The following PLXNA4 variants were observed in gnomAD, a reference collection of about 807,000 sequenced individuals.
PLXNA4 encodes plexin A4, also known as plexin-A4.
A neutral mutation model predicts 191.8 loss-of-function variants in PLXNA4; 44 were observed. The observed-to-expected ratio is 0.23, with a 90% confidence interval of 0.18 to 0.29. The LOEUF (loss-of-function observed/expected upper bound fraction) is 0.29. Among genes scored for constraint, PLXNA4 ranks in the 10% least tolerant of loss-of-function variants. The probability of loss-of-function intolerance (pLI) is 1.00; values close to 1 mark genes in which losing one functional copy is unlikely to be tolerated. For synonymous variants in PLXNA4, 1,082 were observed against 1,009.5 expected (o/e 1.07, Z -1.36); for missense variants, 1,800 against 2,488.8 (o/e 0.72, Z 5.89).
intron 2 of PLXNA4, 126 bp downstream of exon 2, chr7:132,507,380 T>C: frequency 2.9e-6 from 3 of 1,046,476 alleles, no homozygotes; most frequent in Non-Finnish European, 4.0e-6. Flanking sequence ...GACTCAGAGA[T>C]GGGATGGGAT....
chr7:132,443,565 G>A (rs775118284), intron 3 of PLXNA4, among the ~76,000 whole-genome samples: 2 of 152,176 alleles, frequency 1.3e-5, no homozygotes, highest in Non-Finnish European at 2.9e-5. Flanking sequence ...CCTGGCACGT[G>A]CTCAGTCAAT....
At chr7:132,524,454 C>A (rs1033465430) in intron 1 of PLXNA4, among the ~76,000 whole-genome samples, 55 of 152,138 alleles carry the variant, frequency 3.6e-4, no homozygotes, top group African/African-American at 1.3e-3. Flanking sequence ...AGCAAGGAGC[C>A]CTCTCTTCTC....
intron 3 of PLXNA4, among the ~76,000 whole-genome samples, chr7:132,405,741 A>T (rs1262254384): frequency 1.3e-5 from 2 of 152,232 alleles, no homozygotes; most frequent in Admixed American, 6.5e-5. Flanking sequence ...GAGGATGTGC[A>T]GAGAGCATCT....
chr7:132,154,770 G>A (rs993439802), intron 25 of PLXNA4, among the ~76,000 whole-genome samples: 3 of 152,200 alleles, frequency 2.0e-5, no homozygotes, highest in African/African-American at 7.2e-5. Context: ...TCATATGCAT[G>A]GCACCAAGAG....
intron 3 of PLXNA4, among the ~76,000 whole-genome samples, chr7:132,305,051 C>T (rs746911059): frequency 1.3e-4 from 20 of 152,142 alleles, no homozygotes; most frequent in Non-Finnish European, 2.2e-4. Flanking sequence ...TACCCCTGCT[C>T]GTGGGAGGGG....
At chr7:132,161,693 G>C (rs935021769) in intron 24 of PLXNA4, among the ~76,000 whole-genome samples, 2 of 152,002 alleles carry the variant, frequency 1.3e-5, no homozygotes, top group Non-Finnish European at 2.9e-5. Flanking sequence ...CGGGCACCTA[G>C]CACCCTGGCA....
At chr7:132,583,322 G>A (rs562144143) in intron 2 of PLXNA4, among the ~76,000 whole-genome samples, 2 of 152,202 alleles carry the variant, frequency 1.3e-5, no homozygotes, top group Non-Finnish European at 1.5e-5. Flanking sequence ...AGGGCAGGAG[G>A]GAGGCCCAAG....
At chr7:132,546,319 A>G (rs1268293740) in intron 1 of PLXNA4, among the ~76,000 whole-genome samples, 1 of 152,232 alleles carries the variant, frequency 6.6e-6, no homozygotes, top group African/African-American at 2.4e-5. Flanking sequence ...GATCCCTTTC[A>G]TATGGTCTTG....
intron 2 of PLXNA4, among the ~76,000 whole-genome samples, chr7:132,606,201 C>T (rs1246026720): frequency 6.6e-6 from 1 of 152,154 alleles, no homozygotes; most frequent in Non-Finnish European, 1.5e-5. Context: ...TGACAGCCAC[C>T]ACCAGAGGCC....
At chr7:132,547,767 C>T (rs1489273918) in intron 1 of PLXNA4, among the ~76,000 whole-genome samples, 1 of 152,102 alleles carries the variant, frequency 6.6e-6, no homozygotes, top group East Asian at 1.9e-4. Context: ...TCAGGGTCTG[C>T]GGAGGCAACA....
At chr7:132,642,272 A>G (rs1803759190) in intron 2 of PLXNA4, among the ~76,000 whole-genome samples, 2 of 152,156 alleles carry the variant, frequency 1.3e-5, no homozygotes. Flanking sequence ...AATTAAATAT[A>G]GTAAATTATG....
At position 132,162,675 on chromosome 7, in the gene PLXNA4, T is replaced by C. The variant is rs541190722; in HGVS notation, c.4500+1467A>G. ...TCTTTTCCATTTTAATCGGAGCCTCTCTCTCTCTCCTTCCAAGCAGACGGT... is the reference window on the plus strand; with the variant it reads ...TCTTTTCCATTTTAATCGGAGCCTCCCTCTCTCTCCTTCCAAGCAGACGGT... On this transcript the variant is annotated intron_variant, in intron 24 of 31. Transcript: ENST00000321063. Among the ~76,000 whole-genome samples, 10 of 152,164 alleles carry C rather than the reference T, an allele frequency of 6.6e-5. No homozygotes were observed. The South Asian group carries it at 1.9e-3, about 28-fold the overall frequency.
chr7:132,588,678 A>AGGGAAGGGAAGGGAC (rs2116823154), intron 2 of PLXNA4, among the ~76,000 whole-genome samples: 1 of 81,140 alleles, frequency 1.2e-5, no homozygotes, highest in Admixed American at 1.7e-4. Flanking sequence ...AGGGAAGGGA[A>AGGGAAGGGAAGGGAC]GGGAGGAGGG....
intron 3 of PLXNA4, among the ~76,000 whole-genome samples, chr7:132,424,738 A>G (rs1264174627): frequency 6.6e-6 from 1 of 152,236 alleles, no homozygotes; most frequent in Non-Finnish European, 1.5e-5. Context: ...CCCAGATCTG[A>G]TGGTTACACA....
chr7:132,183,663 T>TG (rs1278538654), intron 16 of PLXNA4, among the ~76,000 whole-genome samples: 1 of 152,244 alleles, frequency 6.6e-6, no homozygotes, highest in African/African-American at 2.4e-5. Flanking sequence ...ATCAACTTCC[T>TG]GGGGCCAAAT....
intron 14 of PLXNA4, among the ~76,000 whole-genome samples, chr7:132,192,019 G>A (rs540288902): frequency 1.4e-4 from 21 of 152,196 alleles, no homozygotes; most frequent in African/African-American, 2.9e-4. Flanking sequence ...TTATATGTGC[G>A]TATTCTTCTA....
At chr7:132,203,516 A>G (rs1797512849) in intron 10 of PLXNA4, 97 bp from the exon 11 acceptor site, 2 of 1,076,678 alleles carry the variant, frequency 1.9e-6, no homozygotes, top group Non-Finnish European at 2.8e-6. Flanking sequence ...AAGAGCTCAC[A>G]GGCTAAAGAC....
intron 1 of PLXNA4, among the ~76,000 whole-genome samples, chr7:132,563,348 TTTC>T (rs1243931979): frequency 4.6e-5 from 1 of 21,650 alleles, no homozygotes; most frequent in African/African-American, 1.9e-4. Flanking sequence ...TCTCCTCCTC[TTTC>T]TCCTCCTTCT....
chr7:132,132,423 TTCTGTTC>T (rs1794965556), intron 31 of PLXNA4, among the ~76,000 whole-genome samples: 75 of 75,790 alleles, frequency 9.9e-4, no homozygotes, highest in African/African-American at 3.7e-3. Flanking sequence ...TTCTGTTCTG[TTCTGTTC>T]TGTTCTGTTC....
Sources: allele counts gnomAD v4.1 joint callset (sites outside exome capture counted in the v4.1 genomes callset), GRCh38; gene constraint gnomAD v4.1.1; transcripts MANE v1.5; gene names NCBI Gene and HGNC (gene_info 2026-07-23, HGNC 2026-07-21).